Variants in NEMF observed in about 807,000 individuals in gnomAD.
The protein encoded by NEMF is nuclear export mediator factor.
Under a neutral mutation model 162.2 loss-of-function variants are expected in NEMF, and 89 were observed. The observed-to-expected ratio is 0.55, with a 90% CI of 0.46 to 0.65. The LOEUF (loss-of-function observed/expected upper bound fraction) is 0.65. Among genes scored for constraint, NEMF ranks in the 30% least tolerant of loss-of-function variants. NEMF has a pLI of 0.00. For missense variants in NEMF, 1,133 were observed against 1,261.9 expected (o/e 0.90, Z 1.55); for synonymous variants, 421 against 404.5 (o/e 1.04, Z -0.49).
At chr14:49,824,266 G>A (rs993118630) in intron 16 of NEMF, among the ~76,000 whole-genome samples, 3 of 151,352 alleles carry the variant, frequency 2.0e-5, no homozygotes, top group Non-Finnish European at 2.9e-5. Context: ...CTGAGGAGGC[G>A]GGGCGTGGTG....
At chr14:49,837,456 G>T (rs1346490033) in intron 6 of NEMF, among the ~76,000 whole-genome samples, 3 of 151,980 alleles carry the variant, frequency 2.0e-5, no homozygotes, top group Non-Finnish European at 4.4e-5. Flanking sequence ...TTTGAGACCA[G>T]CCTGGGCAAC....
intron 26 of NEMF, among the ~76,000 whole-genome samples, chr14:49,795,143 C>G (rs1248203787): frequency 6.6e-6 from 1 of 151,818 alleles, no homozygotes; most frequent in Non-Finnish European, 1.5e-5. Context: ...GAGACCAGCC[C>G]AGACAATATA....
intron 18 of NEMF, among the ~76,000 whole-genome samples, chr14:49,807,516 C>CA (rs1366791426): frequency 6.6e-6 from 1 of 151,618 alleles, no homozygotes; most frequent in African/African-American, 2.4e-5. Context: ...TCTCCACCAT[C>CA]ATCACCAACA....
In NEMF at chr14:49,822,721, C is replaced by A. The variant is rs547829481; in HGVS notation, c.1577+3146G>T. ...AGAGGTAATGGTGGCCCTTTCCTCT[C>A]ATTTATGCACTGCAGGGATGAAAAG... is the stretch of plus-strand genomic sequence containing the variant. On this transcript the variant is annotated intron_variant, in intron 16 of 32. Coordinates refer to ENST00000298310, the MANE Select transcript of NEMF (RefSeq NM_004713.6). 3.9e-4 allele frequency among the ~76,000 whole-genome samples: 55 copies of A among 139,836 alleles called. 1 individual carries two copies. In the South Asian group the frequency reaches 9.9e-3, roughly 25 times the overall value. The allele number at this position is 139,836 out of a possible 152,430, so 91.7% of individuals were successfully genotyped here. A position where few individuals can be genotyped will look rare whatever the true frequency, so the allele number is the denominator to read the frequency against.
intron 16 of NEMF, among the ~76,000 whole-genome samples, chr14:49,817,148 A>T (rs1330050611): frequency 1.3e-5 from 2 of 152,162 alleles, no homozygotes; most frequent in African/African-American, 4.8e-5. Flanking sequence ...AAATATAATG[A>T]TGAAAAAAGA....
chr14:49,826,897 G>C (rs777212569), intron 15 of NEMF, among the ~76,000 whole-genome samples: 1 of 152,152 alleles, frequency 6.6e-6, no homozygotes, highest in Non-Finnish European at 1.5e-5. Context: ...AGGATTCTCT[G>C]ATTAAATCTC....
rs776092285 is a variant in NEMF, at chr14:49,782,289, A to C, written c.*2347T>G. ...AACTACCTTAAGATCGCTAGTCTTT[A>C]TTTCATAGCTCTATTCTGTAGTATA... On this transcript the variant is annotated 3_prime_UTR_variant, in exon 33 of 33. Transcript: ENST00000298310. 2.2e-5 allele frequency: 19 copies of C among 847,686 alleles called. No individual in the cohort carries two copies. The Middle Eastern group carries it at 1.2e-3, about 53-fold the overall frequency. The allele number at this position is 847,686 out of a possible 1,614,324, so 52.5% of individuals were successfully genotyped here. A position where few individuals can be genotyped will look rare whatever the true frequency, so the allele number is the denominator to read the frequency against.
chr14:49,841,688 T>C (rs906956195), intron 4 of NEMF, among the ~76,000 whole-genome samples: 1 of 151,924 alleles, frequency 6.6e-6, no homozygotes, highest in Non-Finnish European at 1.5e-5. Flanking sequence ...TTAATATTAA[T>C]AGTTACATGG....
chr14:49,820,247 G>A (rs1427323112), intron 16 of NEMF: 5 of 342,564 alleles, frequency 1.5e-5, no homozygotes, highest in Non-Finnish European at 2.9e-5. Context: ...ACTGTGGCTG[G>A]CCCCCATTTC....
intron 29 of NEMF, chr14:49,785,889 CAA>C (rs5808514): frequency 2.0e-4 from 25 of 124,090 alleles, no homozygotes; most frequent in Admixed American, 1.3e-3. Flanking sequence ...GACCCTGTCT[CAA>C]AAAAAAAAAA....
intron 26 of NEMF, among the ~76,000 whole-genome samples, chr14:49,794,325 G>A (rs4640093): frequency 0.97 from 147,333 of 152,308 alleles, 71,466 homozygotes; most frequent in East Asian, 1. Flanking sequence ...TACATATGAG[G>A]GGAATTTATA....
intron 5 of NEMF, chr14:49,839,778 C>T (rs150534563): frequency 7.3e-4 from 111 of 152,224 alleles, no homozygotes; most frequent in African/African-American, 2.3e-3. Flanking sequence ...GAGATTAGCA[C>T]GACCCCTGCA....
At chr14:49,837,516 A>T (rs1892962918) in intron 6 of NEMF, among the ~76,000 whole-genome samples, 1 of 152,086 alleles carries the variant, frequency 6.6e-6, no homozygotes, top group Non-Finnish European at 1.5e-5. Flanking sequence ...ATTAAAAAAG[A>T]AAAGAAATTT....
chr14:49,815,779 A>G (rs1891685920), intron 16 of NEMF, among the ~76,000 whole-genome samples: 1 of 152,088 alleles, frequency 6.6e-6, no homozygotes, highest in Admixed American at 6.5e-5. Flanking sequence ...CCCGGTTAAC[A>G]TGGTGAAAAC....
intron 16 of NEMF, among the ~76,000 whole-genome samples, chr14:49,819,247 T>C (rs1468879240): frequency 1.3e-5 from 2 of 152,116 alleles, no homozygotes; most frequent in Admixed American, 6.5e-5. Flanking sequence ...GTATTACATA[T>C]TGGAAATTTG....
Position 49,784,420 on chromosome 14 carries a change from C to G in NEMF, c.*216G>C. On this transcript the variant is annotated 3_prime_UTR_variant, in exon 33 of 33. Coordinates refer to ENST00000298310, the MANE Select transcript of NEMF (RefSeq NM_004713.6). The stretch of plus-strand genomic sequence containing the variant: ...CAGATGTATATTAATTAGCATTTAA[C>G]TGTCCACAAATACTTTTGGAAATCC... 2.2e-6 allele frequency: 1 copy of G among 450,742 alleles called. No individual in the cohort carries two copies. The highest frequency in any genetic ancestry group is 3.9e-6 in the Non-Finnish European group (1 of 254,334). The allele number at this position is 450,742 out of a possible 1,614,324, so 27.9% of individuals were successfully genotyped here. A position where few individuals can be genotyped will look rare whatever the true frequency, so the allele number is the denominator to read the frequency against.
chr14:49,798,425 T>C (rs1890790663), intron 25 of NEMF, among the ~76,000 whole-genome samples: 1 of 152,206 alleles, frequency 6.6e-6, no homozygotes, highest in South Asian at 2.1e-4. Flanking sequence ...TAAATATACA[T>C]ACAGTTTACA....
chr14:49,831,179 G>C (rs779538350), intron 11 of NEMF, 120 bp downstream of exon 11: 10 of 613,878 alleles, frequency 1.6e-5, no homozygotes, highest in Non-Finnish European at 2.6e-5. Flanking sequence ...AAAGAGGCAG[G>C]TCAGAGAGTT....
At chr14:49,816,130 TTC>T (rs1891706915) in intron 16 of NEMF, among the ~76,000 whole-genome samples, 2 of 152,140 alleles carry the variant, frequency 1.3e-5, no homozygotes, top group African/African-American at 4.8e-5. Context: ...TATCCCAATC[TTC>T]TCTTTTTTGT....
Sources: allele counts gnomAD v4.1 joint callset (sites outside exome capture counted in the v4.1 genomes callset), GRCh38; gene constraint gnomAD v4.1.1; transcripts MANE v1.5; gene names NCBI Gene and HGNC (gene_info 2026-07-23, HGNC 2026-07-21).